Variants in CROCC2 observed in about 807,000 individuals in gnomAD.
The protein encoded by CROCC2 is ciliary rootlet coiled-coil, rootletin family member 2.
A neutral mutation model predicts 177.6 loss-of-function variants in CROCC2; 163 were observed. The observed-to-expected ratio is 0.92, with a 90% CI of 0.81 to 1.05. The LOEUF is 1.05. Ranked by LOEUF, CROCC2 falls within the 50% of genes least tolerant of loss-of-function variation. The pLI is 0.00. For synonymous variants in CROCC2, 904 were observed against 787.3 expected (o/e 1.15, Z -2.48); for missense variants, 1,929 against 1,797.8 (o/e 1.07, Z -1.32).
intron 5 of CROCC2, chr2:240,929,604 T>A (rs1412413767): frequency 2.2e-6 from 1 of 451,448 alleles, no homozygotes; most frequent in Non-Finnish European, 4.5e-6. Context: ...CTGAACTGGG[T>A]ACCCAGTGCT....
rs1011666091 is a variant in CROCC2 at position 240,972,664 on chromosome 2, T to G, written c.4401+4402T>G. On this transcript the variant is annotated intron_variant, in intron 27 of 31. Coordinates refer to ENST00000690015, the MANE Select transcript of CROCC2 (RefSeq NM_001351305.2). The surrounding 1 kb of genome is among the most constrained non-coding windows in gnomAD (Gnocchi z 7.1). ...TGCTTGGTCTAGAATTTGCTCAACT[T>G]TTTTAGTGAAATGTGCTAAAATCTA... is the stretch of plus-strand genomic sequence containing the variant. Among the ~76,000 whole-genome samples, 2 of 151,758 alleles carry G rather than the reference T, an allele frequency of 1.3e-5. No individual in the cohort carries two copies. Among genetic ancestry groups the G allele is most frequent in the African/African-American group, 4.8e-5 (2 of 41,274 alleles).
At chr2:240,940,195 A>C (rs1049855907) in intron 14 of CROCC2, among the ~76,000 whole-genome samples, 1 of 152,104 alleles carries the variant, frequency 6.6e-6, no homozygotes, top group African/African-American at 2.4e-5. Flanking sequence ...TGTTTCTTCC[A>C]CTAGATCTCC....
rs2059336035 is a variant in CROCC2, at chr2:240,918,788, TG to T, written c.145del (p.Glu49LysfsTer22). On this transcript the variant is annotated frameshift_variant, in exon 2 of 32. Transcript: ENST00000690015. LOFTEE classifies it high-confidence loss of function. The surrounding 1 kb of genome is among the most constrained non-coding windows in gnomAD (Gnocchi z 6.3). ...SREDRALTVR[G>X]EGRQASPTPV... Reference sequence around the variant, plus strand: ...GGGAAGACCGGGCGCTGACCGTGCGTGGGGAAGGCCGGCAGGCCTCGCCCAC... The same window carrying T: ...GGGAAGACCGGGCGCTGACCGTGCGTGGGAAGGCCGGCAGGCCTCGCCCAC... 2 of 597,308 alleles carry T rather than the reference TG, an allele frequency of 3.3e-6. No individual in the cohort carries two copies. The highest frequency in any genetic ancestry group is 3.1e-5 in the Admixed American group (1 of 32,572). 37.0% of individuals were successfully genotyped at this position (597,308 alleles called of 1,614,324 possible).
intron 1 of CROCC2, among the ~76,000 whole-genome samples, chr2:240,914,171 C>G (rs574596437): frequency 6.6e-6 from 1 of 152,198 alleles, no homozygotes; most frequent in Non-Finnish European, 1.5e-5. Flanking sequence ...CAGACACCGC[C>G]GCTGGGAAGG....
At position 240,973,816 on chromosome 2, in the gene CROCC2, AT is replaced by A. The variant is rs2059740148; in HGVS notation, c.4401+5556del. On this transcript the variant is annotated intron_variant, in intron 27 of 31. Coordinates refer to ENST00000690015, the MANE Select transcript of CROCC2 (RefSeq NM_001351305.2). This position sits in a 1 kb window ranked among gnomAD's most constrained non-coding sequence, Gnocchi z 4.7. ...GATTTATTTGTGTTAAGAAAATTGT[AT>A]TATTTTATAAAATGAGTTGGTGGGC... Among the ~76,000 whole-genome samples the A allele has an allele frequency of 2.0e-5, 3 of 152,338 alleles. No individual in the cohort carries two copies. The South Asian group carries it at 6.2e-4, about 32-fold the overall frequency.
intron 21 of CROCC2, chr2:240,964,113 C>T (rs2059660582): frequency 1.9e-6 from 1 of 533,926 alleles, no homozygotes; most frequent in Non-Finnish European, 3.4e-6. Context: ...TAGAAAGGCC[C>T]CTGTGGGGCA....
At chr2:240,921,823 T>C (rs905168689) in intron 3 of CROCC2, among the ~76,000 whole-genome samples, 5 of 152,206 alleles carry the variant, frequency 3.3e-5, no homozygotes, top group African/African-American at 7.2e-5. Flanking sequence ...GGCCCAGGCA[T>C]AGCCACAGCT....
At chr2:240,961,278 C>A (rs1355650853) in intron 20 of CROCC2, among the ~76,000 whole-genome samples, 2 of 151,996 alleles carry the variant, frequency 1.3e-5, no homozygotes, top group African/African-American at 2.4e-5. Flanking sequence ...CCACACACAC[C>A]GGTGTACACT....
intron 28 of CROCC2, among the ~76,000 whole-genome samples, chr2:240,987,871 T>C (rs1388360236): frequency 3.9e-5 from 6 of 152,216 alleles, no homozygotes; most frequent in Admixed American, 3.3e-4. Flanking sequence ...CCTCAGCGCC[T>C]GCCTGGCCCA....
In CROCC2 at chr2:240,929,019, G is replaced by A. The variant is rs146842802; in HGVS notation, c.646-1147G>A. Among the ~76,000 whole-genome samples the A allele has an allele frequency of 5.3e-4, 81 of 151,822 alleles. 2 individuals are homozygous for A. The highest frequency in any genetic ancestry group is 1.9e-3 in the African/African-American group (77 of 41,382). ...CCCTCCAGCGGGTGCATGGCCAGGT[G>A]TAATGGGCACAGAGGGGCATGCCCT... On this transcript the variant is annotated intron_variant, in intron 5 of 31. Transcript: ENST00000690015.
At chr2:240,987,597 C>T (rs1202457947) in intron 28 of CROCC2, among the ~76,000 whole-genome samples, 1 of 152,220 alleles carries the variant, frequency 6.6e-6, no homozygotes, top group Admixed American at 6.5e-5. Context: ...GGCCCGAAAC[C>T]AGGCCTGCTC....
intron 3 of CROCC2, among the ~76,000 whole-genome samples, chr2:240,921,708 G>C (rs939734541): frequency 1.3e-5 from 2 of 152,182 alleles, no homozygotes; most frequent in African/African-American, 4.8e-5. Context: ...TCTCCATCCT[G>C]GGGTGGCACC....
intron 21 of CROCC2, 92 bp downstream of exon 21, chr2:240,963,865 G>C: frequency 7.3e-7 from 1 of 1,367,574 alleles, no homozygotes; most frequent in Admixed American, 2.1e-5. Context: ...GCTAGGCAGG[G>C]GCGTCCTGTT....
chr2:240,961,709 T>G (rs930464071), intron 20 of CROCC2, among the ~76,000 whole-genome samples: 1 of 127,320 alleles, frequency 7.9e-6, no homozygotes, highest in African/African-American at 3.1e-5. Flanking sequence ...TGCACACACA[T>G]GCATGCACAC....
At chr2:240,942,142 G>A (rs1409495805) in intron 14 of CROCC2, among the ~76,000 whole-genome samples, 1 of 152,118 alleles carries the variant, frequency 6.6e-6, no homozygotes, top group Non-Finnish European at 1.5e-5. Flanking sequence ...CCAGTCTCAG[G>A]TACTTTGTTA....
chr2:240,937,901 A>T (rs940191641), intron 14 of CROCC2, among the ~76,000 whole-genome samples: 1 of 152,110 alleles, frequency 6.6e-6, no homozygotes, highest in Non-Finnish European at 1.5e-5. Context: ...AGTGTGTGGC[A>T]CTTCTCCCTT....
Position 240,925,759 on chromosome 2 carries a change from G to A in CROCC2, c.524G>A (p.Arg175Gln), listed in dbSNP as rs761665829. 18 of 717,020 alleles carry A rather than the reference G, an allele frequency of 2.5e-5. No individual in the cohort carries two copies. Among genetic ancestry groups the A allele is most frequent in the Middle Eastern group, 2.3e-4 (1 of 4,358 alleles). 44.4% of individuals were successfully genotyped at this position (717,020 alleles called of 1,614,324 possible). ...CTCTGTCAGGTGAACGCGCTCCTGCGGGAGCAGCTGGAACATATGAAGAAG... is the reference window on the plus strand; with the variant it reads ...CTCTGTCAGGTGAACGCGCTCCTGCAGGAGCAGCTGGAACATATGAAGAAG... The part of the protein sequence containing the change: ...TGLCQVNALL[R>Q]EQLEHMKKAN... Residue 175 changes from arginine (R) to glutamine (Q), a missense_variant, in exon 5 of 32, where the codon CGG becomes CAG. Coordinates refer to ENST00000690015, the MANE Select transcript of CROCC2 (RefSeq NM_001351305.2).
At chr2:240,983,432 T>C (rs1160041710) in intron 28 of CROCC2, 6 of 1,274,746 alleles carry the variant, frequency 4.7e-6, no homozygotes, top group Non-Finnish European at 6.1e-6. Context: ...CCAGGTGCTC[T>C]GCAGGCCGCA....
At chr2:240,929,665 C>A (rs2059415371) in intron 5 of CROCC2, 2 of 455,950 alleles carry the variant, frequency 4.4e-6, no homozygotes, top group Non-Finnish European at 8.8e-6. Flanking sequence ...AGTGCCAGAC[C>A]AACACCTGGA....
Sources: gnomAD v4.1 joint callset for allele counts (sites outside exome capture counted in the v4.1 genomes callset) on GRCh38, gnomAD v4.1.1 for gene constraint, Gnocchi (gnomAD v3.1) non-coding constraint, MANE v1.5 for transcripts, NCBI Gene and HGNC (gene_info 2026-07-23, HGNC 2026-07-21) for gene names.